FGF14: variants seen among roughly 807,000 people sequenced by gnomAD.
FGF14 encodes fibroblast growth factor homologous factor 4.
Under a neutral mutation model 25.5 loss-of-function variants are expected in FGF14, and 5 were observed. The observed-to-expected ratio is 0.20, with a 90% CI of 0.10 to 0.41. The LOEUF (loss-of-function observed/expected upper bound fraction) is 0.41, where lower values mean the gene tolerates loss of function less well. FGF14 is among the 10% of genes least tolerant of loss of function. The probability of loss-of-function intolerance (pLI) is 1.00; values close to 1 mark genes in which losing one functional copy is unlikely to be tolerated. For synonymous variants in FGF14, 138 were observed against 118.3 expected, an observed-to-expected ratio of 1.17 and a Z score of -1.08; for missense variants, 222 against 320.1, an observed-to-expected ratio of 0.69 and a Z score of 2.34.
intron 1 of FGF14, among the ~76,000 whole-genome samples, chr13:101,973,473 T>C (rs1310505541): frequency 6.6e-6 from 1 of 151,750 alleles, no homozygotes; most frequent in Non-Finnish European, 1.5e-5. Flanking sequence ...ATTGAATATG[T>C]ATATATATAT....
intron 1 of FGF14, among the ~76,000 whole-genome samples, chr13:102,094,217 G>T (rs1408867425): frequency 6.6e-6 from 1 of 151,868 alleles, no homozygotes; most frequent in Admixed American, 6.6e-5. Flanking sequence ...TATAAGAAAG[G>T]CATATTTATA....
Position 102,076,733 on chromosome 13 carries a change from A to G in FGF14, c.209-201437T>C, listed in dbSNP as rs541960751. 4.6e-5 allele frequency among the ~76,000 whole-genome samples: 7 copies of G among 152,294 alleles called. No homozygotes were observed. In the South Asian group the frequency reaches 6.2e-4, roughly 14 times the overall value. On this transcript the variant is annotated intron_variant, in intron 1 of 4. Coordinates refer to the FGF14 transcript ENST00000376131. Reference sequence around the variant, plus strand: ...GTCCATACTTTCCAAAGCAATCTCTATCAAAATGACATTTTTCACAGAAAT... The same window carrying G: ...GTCCATACTTTCCAAAGCAATCTCTGTCAAAATGACATTTTTCACAGAAAT...
intron 3 of FGF14, among the ~76,000 whole-genome samples, chr13:101,842,356 G>A (rs2043233233): frequency 6.6e-6 from 1 of 151,968 alleles, no homozygotes; most frequent in African/African-American, 2.4e-5. Context: ...ATAAGGTCAA[G>A]CTTCACTTGT....
At chr13:102,179,036 A>G (rs766754272) in intron 1 of FGF14, among the ~76,000 whole-genome samples, 23 of 152,128 alleles carry the variant, frequency 1.5e-4, no homozygotes, top group Non-Finnish European at 2.6e-4. Flanking sequence ...TGAAGGAATG[A>G]AAACTAAAAG....
At chr13:101,808,053 T>C (rs1301066709) in intron 3 of FGF14, among the ~76,000 whole-genome samples, 1 of 152,056 alleles carries the variant, frequency 6.6e-6, no homozygotes, top group African/African-American at 2.4e-5. Context: ...AGAAATATAC[T>C]ATATATTGTT....
intron 4 of FGF14, 180 bp from the exon 5 acceptor site, chr13:101,723,147 T>A: frequency 1.4e-6 from 1 of 713,696 alleles, no homozygotes; most frequent in Non-Finnish European, 2.4e-6. Flanking sequence ...ACAGAGGACA[T>A]TACTCCCTTC....
chr13:102,304,861 T>C (rs1035890178), intron 1 of FGF14, among the ~76,000 whole-genome samples: 6 of 152,128 alleles, frequency 3.9e-5, no homozygotes, highest in Admixed American at 3.9e-4. Context: ...CAGCCAGCAC[T>C]CTAACCACAA....
At chr13:101,912,999 T>C (rs564510104) in intron 1 of FGF14, among the ~76,000 whole-genome samples, 3 of 152,060 alleles carry the variant, frequency 2.0e-5, no homozygotes, top group Non-Finnish European at 4.4e-5. Flanking sequence ...AATTAATTAT[T>C]ATCAGGTATA....
chr13:101,834,421 C>G (rs2042822213), intron 3 of FGF14, among the ~76,000 whole-genome samples: 1 of 152,038 alleles, frequency 6.6e-6, no homozygotes, highest in Non-Finnish European at 1.5e-5. Context: ...TACAGAGAGT[C>G]ACTACCTGAG....
chr13:101,752,717 A>G (rs1044661024), intron 3 of FGF14, among the ~76,000 whole-genome samples: 15 of 152,000 alleles, frequency 9.9e-5, no homozygotes, highest in African/African-American at 3.6e-4. Context: ...TGTTCTCTCT[A>G]TTTTTTCCCT....
intron 3 of FGF14, among the ~76,000 whole-genome samples, chr13:101,864,866 C>T (rs950284808): frequency 2.0e-5 from 3 of 152,010 alleles, no homozygotes; most frequent in African/African-American, 7.2e-5. Flanking sequence ...GTAAGATTAC[C>T]TTATCATTCA....
At chr13:101,822,409 T>A (rs560707306) in intron 3 of FGF14, among the ~76,000 whole-genome samples, 8 of 152,170 alleles carry the variant, frequency 5.3e-5, no homozygotes, top group African/African-American at 1.9e-4. Flanking sequence ...AATCTTGAGA[T>A]CTGTTAGTGT....
At chr13:102,341,566 T>A (rs1247118854) in intron 1 of FGF14, among the ~76,000 whole-genome samples, 1 of 152,164 alleles carries the variant, frequency 6.6e-6, no homozygotes, top group Non-Finnish European at 1.5e-5. Flanking sequence ...ATCCCTATTG[T>A]GAGCTCAAAG....
At chr13:101,909,979 A>T (rs1022884037) in intron 1 of FGF14, among the ~76,000 whole-genome samples, 1 of 152,130 alleles carries the variant, frequency 6.6e-6, no homozygotes, top group Non-Finnish European at 1.5e-5. Context: ...ATTCTCAGCA[A>T]ACTATCACCA....
intron 1 of FGF14, among the ~76,000 whole-genome samples, chr13:102,017,884 A>G (rs1490036360): frequency 6.6e-6 from 1 of 152,062 alleles, no homozygotes; most frequent in African/African-American, 2.4e-5. Flanking sequence ...TTCTTCAAGT[A>G]TGTCCATTCC....
At chr13:101,842,287 CTT>C (rs2043231406) in intron 3 of FGF14, among the ~76,000 whole-genome samples, 1 of 152,026 alleles carries the variant, frequency 6.6e-6, no homozygotes, top group African/African-American at 2.4e-5. Context: ...CCTCTGCTCT[CTT>C]TACCTTAATA....
intron 3 of FGF14, among the ~76,000 whole-genome samples, chr13:101,760,711 T>C (rs929765321): frequency 1.3e-5 from 2 of 152,216 alleles, no homozygotes; most frequent in Admixed American, 6.5e-5. Flanking sequence ...TGATATAGTA[T>C]TTTCTTTAAT....
chr13:102,283,376 T>C (rs1320557794), intron 1 of FGF14, among the ~76,000 whole-genome samples: 1 of 152,134 alleles, frequency 6.6e-6, no homozygotes, highest in African/African-American at 2.4e-5. Flanking sequence ...GGAGAAGAAT[T>C]TGTAGTCTCT....
At chr13:102,182,533 A>C (rs2048719480) in intron 1 of FGF14, among the ~76,000 whole-genome samples, 1 of 152,056 alleles carries the variant, frequency 6.6e-6, no homozygotes, top group Admixed American at 6.6e-5. Flanking sequence ...ATTATTATTA[A>C]TATTATTTTT....
Sources: allele counts gnomAD v4.1 joint callset (sites outside exome capture counted in the v4.1 genomes callset), GRCh38; gene constraint gnomAD v4.1.1; transcripts MANE v1.5; gene names NCBI Gene and HGNC (gene_info 2026-07-23, HGNC 2026-07-21).